The following KCTD16 variants were observed in gnomAD, a reference collection of about 807,000 sequenced individuals.
The protein encoded by KCTD16 is potassium channel tetramerization domain containing 16.
KCTD16 carries 13 observed loss-of-function variants against 33.2 expected under a neutral mutation model. The observed-to-expected ratio is 0.39, with a 90% CI of 0.25 to 0.62. The LOEUF (loss-of-function observed/expected upper bound fraction) is 0.62, where lower values mean the gene tolerates loss of function less well. Ranked by LOEUF, KCTD16 falls within the 20% of genes least tolerant of loss-of-function variation. KCTD16 has a pLI of 0.50. For missense variants in KCTD16, 441 were observed against 525.1 expected (o/e 0.84, Z 1.57); for synonymous variants, 197 against 195.3 (o/e 1.01, Z -0.07).
chr5:144,374,144 G>T lies in KCTD16; in HGVS notation c.833-99516G>T, dbSNP rs372716518. 2.6e-5 allele frequency among the ~76,000 whole-genome samples: 4 copies of T among 152,160 alleles called. 1 individual carries two copies. Among genetic ancestry groups the T allele is most frequent in the Admixed American group, 2.6e-4 (4 of 15,260 alleles). ...TGCTATGTAAGGCAACATATTCACA[G>T]GTTTTCTGTGTTAGAATTTGGACGT... On this transcript the variant is annotated intron_variant, in intron 3 of 3. Coordinates refer to ENST00000512467, the MANE Select transcript of KCTD16 (RefSeq NM_020768.4).
At chr5:144,292,921 C>T (rs1755933117) in intron 3 of KCTD16, among the ~76,000 whole-genome samples, 1 of 152,170 alleles carries the variant, frequency 6.6e-6, no homozygotes, top group African/African-American at 2.4e-5. Flanking sequence ...GGCCAAAGTT[C>T]AGCAGTGACC....
At chr5:144,311,277 G>A (rs75605858) in intron 3 of KCTD16, among the ~76,000 whole-genome samples, 3,925 of 152,286 alleles carry the variant, frequency 0.026, 79 homozygotes, top group Non-Finnish European at 0.04. Context: ...AGAAATTAAA[G>A]TATAGTAAAA....
intron 3 of KCTD16, among the ~76,000 whole-genome samples, chr5:144,243,656 G>A (rs1170879244): frequency 6.6e-6 from 1 of 152,058 alleles, no homozygotes; most frequent in Non-Finnish European, 1.5e-5. Flanking sequence ...AGAAGACTAC[G>A]GTACTAGCTA....
chr5:144,377,465 C>A (rs1466912048), intron 3 of KCTD16, among the ~76,000 whole-genome samples: 3 of 152,176 alleles, frequency 2.0e-5, no homozygotes, highest in Non-Finnish European at 4.4e-5. Flanking sequence ...CTGCATGTGA[C>A]ACTTATTAAT....
At chr5:144,220,830 A>G (rs547640412) in intron 3 of KCTD16, among the ~76,000 whole-genome samples, 1 of 152,064 alleles carries the variant, frequency 6.6e-6, no homozygotes, top group Middle Eastern at 3.4e-3. Context: ...AGTCCCAGCT[A>G]CCTGGGAGGC....
rs558078674 is a variant in KCTD16 at position 144,476,714 on chromosome 5, G to C, written c.*2600G>C. ...GCTCTGAGGAGGCTTAAAGTACCTAGTTTGAGTGGAGTTATCAAGTGAGGT... is the reference window on the plus strand; with the variant it reads ...GCTCTGAGGAGGCTTAAAGTACCTACTTTGAGTGGAGTTATCAAGTGAGGT... On this transcript the variant is annotated 3_prime_UTR_variant, in exon 4 of 4. Transcript: ENST00000512467. 1.3e-5 allele frequency: 2 copies of C among 152,084 alleles called. No individual in the cohort carries two copies. The highest frequency in any genetic ancestry group is 6.6e-5 in the Admixed American group (1 of 15,254). 9.4% of individuals were successfully genotyped at this position (152,084 alleles called of 1,614,324 possible). A position where few individuals can be genotyped will look rare whatever the true frequency, so the allele number is the denominator to read the frequency against.
intron 3 of KCTD16, among the ~76,000 whole-genome samples, chr5:144,306,107 A>C (rs1473865610): frequency 6.6e-6 from 1 of 152,214 alleles, no homozygotes; most frequent in African/African-American, 2.4e-5. Context: ...CATGACCTAC[A>C]TCAACAATAG....
intron 3 of KCTD16, among the ~76,000 whole-genome samples, chr5:144,413,383 G>A (rs932455516): frequency 6.6e-6 from 1 of 152,104 alleles, no homozygotes; most frequent in African/African-American, 2.4e-5. Context: ...TCTATTGTGT[G>A]GTATTTTTTA....
intron 3 of KCTD16, among the ~76,000 whole-genome samples, chr5:144,446,713 A>G (rs1234865175): frequency 3.3e-5 from 5 of 152,320 alleles, no homozygotes; most frequent in South Asian, 2.1e-4. Context: ...TTTACAAGAA[A>G]AAAACAAACA....
intron 3 of KCTD16, among the ~76,000 whole-genome samples, chr5:144,209,877 T>C (rs951499668): frequency 6.9e-6 from 1 of 145,682 alleles, no homozygotes; most frequent in African/African-American, 2.5e-5. Flanking sequence ...TATGTGTGTA[T>C]GTATGTATAT....
intron 3 of KCTD16, among the ~76,000 whole-genome samples, chr5:144,386,452 C>T (rs1752326144): frequency 6.6e-6 from 1 of 152,186 alleles, no homozygotes; most frequent in African/African-American, 2.4e-5. Flanking sequence ...ATGGGTAGTA[C>T]TGTGGATAGT....
chr5:144,189,074 G>A (rs957511560), intron 2 of KCTD16, among the ~76,000 whole-genome samples: 7 of 152,144 alleles, frequency 4.6e-5, no homozygotes, highest in African/African-American at 1.7e-4. Context: ...AGACATTTTG[G>A]ACCCTCTAAG....
rs528379940 is a variant in KCTD16 at position 144,401,977 on chromosome 5, G to A, written c.833-71683G>A. On this transcript the variant is annotated intron_variant, in intron 3 of 3. Transcript: ENST00000512467. The stretch of plus-strand genomic sequence containing the variant: ...GGAGCACTTACATCCAAGGGGCTGT[G>A]TTAGGCTTGAGAGCAGAAGTGAGAC... 3.3e-5 allele frequency among the ~76,000 whole-genome samples: 5 copies of A among 152,316 alleles called. No individual in the cohort carries two copies. In the East Asian group the frequency reaches 9.6e-4, roughly 29 times the overall value.
intron 3 of KCTD16, among the ~76,000 whole-genome samples, chr5:144,455,386 A>G (rs1754038149): frequency 6.6e-6 from 1 of 152,152 alleles, no homozygotes; most frequent in East Asian, 1.9e-4. Flanking sequence ...AATTTTTGCA[A>G]CAGTACTTAT....
chr5:144,188,301 G>C (rs1318815819), intron 2 of KCTD16, among the ~76,000 whole-genome samples: 1 of 152,152 alleles, frequency 6.6e-6, no homozygotes, highest in African/African-American at 2.4e-5. Flanking sequence ...TTATTTAGCA[G>C]TAGGGAATCA....
chr5:144,421,962 A>G (rs1561602609), intron 3 of KCTD16, among the ~76,000 whole-genome samples: 1 of 152,112 alleles, frequency 6.6e-6, no homozygotes, highest in Non-Finnish European at 1.5e-5. Context: ...AAGGCCCTAG[A>G]TAGGAAAATA....
chr5:144,478,605 A>G lies in KCTD16; in HGVS notation c.*4491A>G, dbSNP rs1754642386. ...GATTCAGAAACTTGAAGCAGGGCAA[A>G]GAAATTTGTATTTTGAGCTAGTCTC... On this transcript the variant is annotated 3_prime_UTR_variant, in exon 4 of 4. Transcript: ENST00000512467. 1 of 152,076 alleles carries G rather than the reference A, an allele frequency of 6.6e-6. No individual in the cohort carries two copies. Among genetic ancestry groups the G allele is most frequent in the African/African-American group, 2.4e-5 (1 of 41,436 alleles). The allele number at this position is 152,076 out of a possible 1,614,324, so 9.4% of individuals were successfully genotyped here. A position where few individuals can be genotyped will look rare whatever the true frequency, so the allele number is the denominator to read the frequency against.
intron 3 of KCTD16, among the ~76,000 whole-genome samples, chr5:144,401,417 A>C (rs1392512936): frequency 2.0e-5 from 3 of 152,184 alleles, no homozygotes; most frequent in African/African-American, 4.8e-5. Context: ...AAACACACAG[A>C]GCATACATGC....
Position 144,400,087 on chromosome 5 carries a change from C to A in KCTD16, c.833-73573C>A, listed in dbSNP as rs77416244. On this transcript the variant is annotated intron_variant, in intron 3 of 3. Transcript: ENST00000512467. Reference sequence around the variant, plus strand: ...TTATTTTTGCATGATACAAATTAATCCTAGGTTTATAATAAAAGAAATTTC... The same window carrying A: ...TTATTTTTGCATGATACAAATTAATACTAGGTTTATAATAAAAGAAATTTC... Among the ~76,000 whole-genome samples the A allele has an allele frequency of 2.6e-3, 395 of 152,160 alleles. 2 individuals are homozygous for A. The highest frequency in any genetic ancestry group is 8.8e-3 in the African/African-American group (364 of 41,514).
Sources: gnomAD v4.1 joint callset for allele counts (sites outside exome capture counted in the v4.1 genomes callset) on GRCh38, gnomAD v4.1.1 for gene constraint, MANE v1.5 for transcripts, NCBI Gene and HGNC (gene_info 2026-07-23, HGNC 2026-07-21) for gene names.